ASCC3: variants seen among roughly 807,000 people sequenced by gnomAD.
ASCC3 encodes the protein ASC-1 complex subunit P200.
ASCC3 carries 158 observed loss-of-function variants against 256.3 expected under a neutral mutation model. The ratio of observed to expected loss-of-function variants is 0.62; its 90% CI spans 0.54 to 0.70. ASCC3 has a LOEUF of 0.70. Among genes scored for constraint, ASCC3 ranks in the 30% least tolerant of loss-of-function variants. The pLI is 0.00. For synonymous variants in ASCC3, 948 were observed against 883.4 expected (o/e 1.07, Z -1.30); for missense variants, 2,259 against 2,626.0 (o/e 0.86, Z 3.05).
intron 4 of ASCC3, among the ~76,000 whole-genome samples, chr6:100,834,895 T>C (rs1771799949): frequency 6.6e-6 from 1 of 152,168 alleles, no homozygotes; most frequent in Admixed American, 6.5e-5. Context: ...GATAGATAAC[T>C]GTTTTCTGAC....
At chr6:100,514,230 T>C (rs1217828172) in intron 39 of ASCC3, among the ~76,000 whole-genome samples, 1 of 152,124 alleles carries the variant, frequency 6.6e-6, no homozygotes, top group Non-Finnish European at 1.5e-5. Context: ...CTTCAATCTG[T>C]ACAACCTGTA....
chr6:100,721,623 G>A (rs1470310894), intron 11 of ASCC3, among the ~76,000 whole-genome samples: 1 of 151,626 alleles, frequency 6.6e-6, no homozygotes, highest in Non-Finnish European at 1.5e-5. Context: ...CTAAAAGCTG[G>A]TTTTATAAAT....
intron 36 of ASCC3, among the ~76,000 whole-genome samples, chr6:100,572,643 G>A (rs185148707): frequency 1.2e-3 from 187 of 152,118 alleles, no homozygotes; most frequent in African/African-American, 4.4e-3. Flanking sequence ...ATAAAGCAAG[G>A]AGATAAACAT....
At chr6:100,705,898 G>A (rs533615132) in intron 13 of ASCC3, among the ~76,000 whole-genome samples, 140 of 151,932 alleles carry the variant, frequency 9.2e-4, no homozygotes, top group Non-Finnish European at 1.6e-3. Context: ...ATGCGCTATC[G>A]TTGACCATTG....
chr6:100,651,690 A>G (rs1444889528), intron 18 of ASCC3, 44 bp from the exon 19 acceptor site: 1 of 1,017,880 alleles, frequency 9.8e-7, no homozygotes, highest in South Asian at 2.1e-5. Flanking sequence ...AAAATATTTT[A>G]AATATTTTAA....
intron 4 of ASCC3, among the ~76,000 whole-genome samples, chr6:100,828,475 G>A (rs996924445): frequency 2.0e-5 from 3 of 152,138 alleles, no homozygotes; most frequent in Admixed American, 6.5e-5. Context: ...TGGTCTCACT[G>A]ACTTCGAGAA....
At chr6:100,660,686 C>G (rs916058351) in intron 16 of ASCC3, among the ~76,000 whole-genome samples, 2 of 151,642 alleles carry the variant, frequency 1.3e-5, no homozygotes, top group Admixed American at 6.6e-5. Context: ...CTGCACTAGA[C>G]AAGCTGTTAC....
intron 25 of ASCC3, among the ~76,000 whole-genome samples, 194 bp downstream of exon 25, chr6:100,638,407 C>T (rs1018624951): frequency 6.6e-6 from 1 of 152,114 alleles, no homozygotes; most frequent in African/African-American, 2.4e-5. Context: ...TTGTGACATT[C>T]ACTATATTGT....
chr6:100,531,196 T>G lies in ASCC3; in HGVS notation c.5775+8967A>C. On this transcript the variant is annotated intron_variant, in intron 37 of 41. Transcript: ENST00000369162. ...GAGACAAAACTTTAAGGATACATCTTGGACCATATTGTATTTCATTCTTCT... is the reference window on the plus strand; with the variant it reads ...GAGACAAAACTTTAAGGATACATCTGGGACCATATTGTATTTCATTCTTCT... 8.2e-6 allele frequency: 5 copies of G among 611,590 alleles called. No homozygotes were observed. In the South Asian group the frequency reaches 9.7e-5, roughly 12 times the overall value. 37.9% of individuals were successfully genotyped at this position (611,590 alleles called of 1,614,324 possible). A position where few individuals can be genotyped will look rare whatever the true frequency, so the allele number is the denominator to read the frequency against.
rs145193698 is a variant in ASCC3 at position 100,807,593 on chromosome 6, G to T, written c.802-1713C>A. On this transcript the variant is annotated intron_variant, in intron 4 of 41. Coordinates refer to ENST00000369162, the MANE Select transcript of ASCC3 (RefSeq NM_006828.4). The stretch of plus-strand genomic sequence containing the variant: ...AAAGCAATGGTGGGTAAAACTGCTG[G>T]TGCCTTAGCATAAATCAAGCTAATA... Among the ~76,000 whole-genome samples, 171 of 151,964 alleles carry T rather than the reference G, an allele frequency of 1.1e-3. 2 individuals carry two copies. The highest frequency in any genetic ancestry group is 3.9e-3 in the African/African-American group (163 of 41,504).
At chr6:100,718,605 A>G (rs1478302106) in intron 11 of ASCC3, among the ~76,000 whole-genome samples, 1 of 151,992 alleles carries the variant, frequency 6.6e-6, no homozygotes, top group African/African-American at 2.4e-5. Context: ...CAAAAGAAAA[A>G]AAAATATTAA....
chr6:100,719,055 T>C, intron 11 of ASCC3, among the ~76,000 whole-genome samples: 1 of 152,076 alleles, frequency 6.6e-6, no homozygotes, highest in East Asian at 1.9e-4. Flanking sequence ...TTCAGAGTCA[T>C]CCATCCATCA....
At chr6:100,854,154 CTT>C (rs76423006) in intron 3 of ASCC3, among the ~76,000 whole-genome samples, 21 of 136,282 alleles carry the variant, frequency 1.5e-4, no homozygotes, top group Admixed American at 3.0e-4. Context: ...AAGCCAGGTA[CTT>C]TTTTTTTTTT....
chr6:100,583,990 G>A (rs1771480831), intron 36 of ASCC3, among the ~76,000 whole-genome samples: 1 of 152,134 alleles, frequency 6.6e-6, no homozygotes, highest in African/African-American at 2.4e-5. Flanking sequence ...ATTTGCTGAG[G>A]AGAGCTCTAC....
At chr6:100,558,437 T>A (rs554585249) in intron 36 of ASCC3, among the ~76,000 whole-genome samples, 1 of 152,142 alleles carries the variant, frequency 6.6e-6, no homozygotes, top group African/African-American at 2.4e-5. Context: ...AATAAGTGAT[T>A]TGTTCTTTTG....
chr6:100,605,581 G>A lies in ASCC3; in HGVS notation c.5164C>T (p.Pro1722Ser), dbSNP rs902251323. 6.6e-7 allele frequency: 1 copy of A among 1,512,848 alleles called. No individual in the cohort carries two copies. Among genetic ancestry groups the A allele is most frequent in the African/African-American group, 1.4e-5 (1 of 72,762 alleles). The allele number at this position is 1,512,848 out of a possible 1,614,324, so 93.7% of individuals were successfully genotyped here. A position where few individuals can be genotyped will look rare whatever the true frequency, so the allele number is the denominator to read the frequency against. ...AATAAGATTTACCTTGATTCTACTGGGAAAGGTTCATAAAGAAATTTTTTA... is the reference window on the plus strand; with the variant it reads ...AATAAGATTTACCTTGATTCTACTGAGAAAGGTTCATAAAGAAATTTTTTA... ...FYKKFLYEPFPVESSLLGVLS... is the reference protein window; with the variant it reads ...FYKKFLYEPFSVESSLLGVLS... The change falls in exon 33 of 42, where the codon CCA (proline) becomes TCA (serine). Residue 1722 changes from proline to serine, a missense_variant. Around this residue, in one of 2 missense-constraint regions of ASCC3, gnomAD observed 1,839 missense variants for 2,206.7 expected, o/e 0.83. Coordinates refer to ENST00000369162, the MANE Select transcript of ASCC3 (RefSeq NM_006828.4).
chr6:100,791,121 TAAGG>T (rs936883087), intron 8 of ASCC3, among the ~76,000 whole-genome samples: 4 of 151,866 alleles, frequency 2.6e-5, no homozygotes, highest in African/African-American at 9.7e-5. Flanking sequence ...TATAATTTTA[TAAGG>T]AAGATTATCC....
intron 36 of ASCC3, among the ~76,000 whole-genome samples, chr6:100,545,704 C>T (rs898852782): frequency 1.3e-5 from 2 of 152,150 alleles, no homozygotes; most frequent in Non-Finnish European, 2.9e-5. Flanking sequence ...ATCCTCTCAC[C>T]TTAGCCTTCA....
intron 1 of ASCC3, among the ~76,000 whole-genome samples, chr6:100,878,399 C>T (rs1047853951): frequency 6.6e-6 from 1 of 152,088 alleles, no homozygotes; most frequent in Non-Finnish European, 1.5e-5. Flanking sequence ...GAATATTCCC[C>T]CCCAAAGTTG....
Sources: allele counts gnomAD v4.1 joint callset (sites outside exome capture counted in the v4.1 genomes callset), GRCh38; gene constraint gnomAD v4.1.1; regional missense constraint gnomAD v4.1.1; transcripts MANE v1.5; gene names NCBI Gene and HGNC (gene_info 2026-07-23, HGNC 2026-07-21).